Variants in RHBDD1 observed in about 807,000 individuals in gnomAD.
The protein encoded by RHBDD1 is rhomboid domain containing 1.
A neutral mutation model predicts 36.3 loss-of-function variants in RHBDD1; 38 were observed. The ratio of observed to expected loss-of-function variants is 1.05; its 90% CI spans 0.81 to 1.37. The LOEUF is 1.37. Ranked by LOEUF, RHBDD1 falls within the 40% of genes most tolerant of loss-of-function variation. RHBDD1 has a pLI of 0.00. For synonymous variants in RHBDD1, 151 were observed against 136.5 expected, an observed-to-expected ratio of 1.11 and a Z score of -0.74; for missense variants, 393 against 377.6, an observed-to-expected ratio of 1.04 and a Z score of -0.34.
intron 8 of RHBDD1, among the ~76,000 whole-genome samples, chr2:226,951,313 G>A (rs886195604): frequency 3.3e-5 from 5 of 151,982 alleles, no homozygotes; most frequent in East Asian, 3.8e-4. Flanking sequence ...ACAATTCAGC[G>A]AATAACAATA....
chr2:226,987,832 A>G (rs992689495), intron 8 of RHBDD1, among the ~76,000 whole-genome samples: 3 of 152,220 alleles, frequency 2.0e-5, no homozygotes, highest in Non-Finnish European at 2.9e-5. Flanking sequence ...CTGGGCTCCA[A>G]CCACCACTTA....
At chr2:226,896,859 G>A (rs1947138901) in intron 5 of RHBDD1, among the ~76,000 whole-genome samples, 2 of 151,948 alleles carry the variant, frequency 1.3e-5, no homozygotes, top group Admixed American at 6.6e-5. Context: ...CTGGAGTATA[G>A]TGGCACCATC....
chr2:226,866,261 G>GGGGTTTCACCATGCTGGCCAGGAT, intron 4 of RHBDD1, among the ~76,000 whole-genome samples: 1 of 152,016 alleles, frequency 6.6e-6, no homozygotes, highest in African/African-American at 2.4e-5. Context: ...TAGTACAGAT[G>GGGGTTTCACCATGCTGGCCAGGAT]GGGTTTCACC....
chr2:226,820,712 C>A, the RHBDD1 span, among the ~76,000 whole-genome samples: 2 of 151,042 alleles, frequency 1.3e-5, no homozygotes, highest in South Asian at 4.3e-4. Flanking sequence ...CACCTGTAGT[C>A]CCAGCTACTC....
intron 3 of RHBDD1, among the ~76,000 whole-genome samples, chr2:226,844,193 A>G (rs1415305151): frequency 1.3e-5 from 2 of 152,202 alleles, no homozygotes; most frequent in Non-Finnish European, 2.9e-5. Context: ...CAACTTTTAA[A>G]TTCCAGGGAA....
At chr2:226,945,913 GT>G (rs925721544) in intron 8 of RHBDD1, among the ~76,000 whole-genome samples, 4 of 151,366 alleles carry the variant, frequency 2.6e-5, no homozygotes, top group African/African-American at 4.9e-5. Context: ...CGGTGATAAG[GT>G]TTTTTTTTCC....
chr2:226,829,117 C>T, the RHBDD1 span, among the ~76,000 whole-genome samples: 1 of 152,086 alleles, frequency 6.6e-6, no homozygotes, highest in Non-Finnish European at 1.5e-5. Context: ...TCCAACTCTG[C>T]CAGCATTCTT....
chr2:226,863,972 G>T (rs574141754), intron 3 of RHBDD1, among the ~76,000 whole-genome samples: 15 of 152,198 alleles, frequency 9.9e-5, no homozygotes, highest in Non-Finnish European at 2.1e-4. Flanking sequence ...GCCACTGTTG[G>T]TTTATTTCTT....
intron 5 of RHBDD1, among the ~76,000 whole-genome samples, chr2:226,871,617 G>C (rs1944804772): frequency 1.3e-5 from 2 of 152,250 alleles, no homozygotes; most frequent in South Asian, 2.1e-4. Flanking sequence ...AAAGATATCA[G>C]ATCTCTCGTT....
intron 3 of RHBDD1, among the ~76,000 whole-genome samples, chr2:226,847,710 A>G (rs1287405641): frequency 6.6e-6 from 1 of 152,270 alleles, no homozygotes; most frequent in Non-Finnish European, 1.5e-5. Context: ...GTTAGATTAT[A>G]TCTGCAAACG....
chr2:226,988,594 CG>C, intron 8 of RHBDD1: 1 of 1,362,320 alleles, frequency 7.3e-7, no homozygotes, highest in South Asian at 2.1e-5. Flanking sequence ...CAGAAGAGGC[CG>C]GGGGCTCCAG....
the RHBDD1 span, among the ~76,000 whole-genome samples, chr2:226,801,633 G>A: frequency 6.6e-6 from 1 of 152,238 alleles, no homozygotes; most frequent in South Asian, 2.1e-4. Flanking sequence ...ACAGCTTGGT[G>A]ATGTGGGCAC....
chr2:226,904,592 A>G (rs1244767429), intron 5 of RHBDD1, among the ~76,000 whole-genome samples: 1 of 152,152 alleles, frequency 6.6e-6, no homozygotes, highest in Admixed American at 6.5e-5. Context: ...TGTCTGGGCA[A>G]TAGTGTCATT....
chr2:226,868,422 G>C (rs1040279557), intron 5 of RHBDD1, among the ~76,000 whole-genome samples: 44 of 152,234 alleles, frequency 2.9e-4, no homozygotes, highest in African/African-American at 1.0e-3. Context: ...TCTTTTCTCT[G>C]CTTTTTGTTT....
At chr2:226,899,903 G>T (rs1947445869) in intron 5 of RHBDD1, among the ~76,000 whole-genome samples, 1 of 152,208 alleles carries the variant, frequency 6.6e-6, no homozygotes, top group Admixed American at 6.5e-5. Context: ...TGGACAATAA[G>T]TTAATGAACT....
At chr2:226,851,996 G>A (rs189889018) in intron 3 of RHBDD1, among the ~76,000 whole-genome samples, 2 of 152,318 alleles carry the variant, frequency 1.3e-5, no homozygotes, top group African/African-American at 4.8e-5. Context: ...GGCAAGGCCA[G>A]CACGGTTGCT....
Position 226,995,480 on chromosome 2 carries a change from A to AGAAAT in RHBDD1, c.909_913dup (p.Arg305LysfsTer2), listed in dbSNP as rs1959171990. ...CCTACGGGTTTCATCTCTCACCAGAAGAAATGAGGAGACAGCGGCTTCACA... is the reference window on the plus strand; with the variant it reads ...CCTACGGGTTTCATCTCTCACCAGAAGAAATGAAATGAGGAGACAGCGGCTTCACA... On this transcript the variant is annotated frameshift_variant, in exon 9 of 9. Coordinates refer to ENST00000392062, the MANE Select transcript of RHBDD1 (RefSeq NM_001167608.3). LOFTEE classifies it high-confidence loss of function. The AGAAAT allele has an allele frequency of 6.2e-7, 1 of 1,613,214 alleles. No homozygotes were observed. Among genetic ancestry groups the AGAAAT allele is most frequent in the Non-Finnish European group, 8.5e-7 (1 of 1,179,692 alleles).
the RHBDD1 span, among the ~76,000 whole-genome samples, chr2:226,822,549 C>T: frequency 0.012 from 1,845 of 150,514 alleles, 20 homozygotes; most frequent in Non-Finnish European, 0.017. Context: ...GCAAGAGAAT[C>T]GCTTGAACTG....
rs961608113 is a variant in RHBDD1 at position 226,864,844 on chromosome 2, A to T, written c.151A>T (p.Ser51Cys). 6.2e-7 allele frequency: 1 copy of T among 1,614,114 alleles called. No homozygotes were observed. The highest frequency in any genetic ancestry group is 8.5e-7 in the Non-Finnish European group (1 of 1,180,056). The change falls in exon 4 of 9, where the codon AGC becomes TGC. Residue 51 changes from serine (S) to cysteine (C), a missense_variant. Transcript: ENST00000392062. ...CTTGAACCCTCAGAAGCCACTGTAT[A>T]GCTCCTGCCTTAGTGTGGAGAAGTG... is the stretch of plus-strand genomic sequence containing the variant. ...FFLNPQKPLYSSCLSVEKCYQ... is the reference protein window; with the variant it reads ...FFLNPQKPLYCSCLSVEKCYQ...
Sources: gnomAD v4.1 joint callset for allele counts (sites outside exome capture counted in the v4.1 genomes callset) on GRCh38, gnomAD v4.1.1 for gene constraint, MANE v1.5 for transcripts, NCBI Gene and HGNC (gene_info 2026-07-23, HGNC 2026-07-21) for gene names.